Variants in GALNT17 observed in about 807,000 individuals in gnomAD.
GALNT17 encodes polypeptide N-acetylgalactosaminyltransferase 17.
Under a neutral mutation model 63.7 loss-of-function variants are expected in GALNT17, and 29 were observed. The ratio of observed to expected loss-of-function variants is 0.46; its 90% CI spans 0.34 to 0.62. The LOEUF (loss-of-function observed/expected upper bound fraction) is 0.62. Among genes scored for constraint, GALNT17 ranks in the 20% least tolerant of loss-of-function variants. GALNT17 has a pLI of 0.01. For missense variants in GALNT17, 603 were observed against 799.6 expected, an observed-to-expected ratio of 0.75 and a Z score of 2.97; for synonymous variants, 305 against 318.3, an observed-to-expected ratio of 0.96 and a Z score of 0.45.
intron 9 of GALNT17, among the ~76,000 whole-genome samples, chr7:71,678,403 G>A (rs1054089710): frequency 1.3e-5 from 2 of 151,814 alleles, no homozygotes; most frequent in African/African-American, 4.8e-5. Context: ...GGGATTACAG[G>A]TGTGAGCTTC....
At chr7:71,630,053 A>C (rs1790433075) in intron 6 of GALNT17, among the ~76,000 whole-genome samples, 5 of 151,990 alleles carry the variant, frequency 3.3e-5, no homozygotes, top group Admixed American at 3.3e-4. Flanking sequence ...CCTGCCAGAT[A>C]GACACAGGAC....
At chr7:71,432,479 A>G (rs1393416152) in intron 5 of GALNT17, among the ~76,000 whole-genome samples, 2 of 152,162 alleles carry the variant, frequency 1.3e-5, no homozygotes, top group Non-Finnish European at 2.9e-5. Flanking sequence ...TGGCATGCAA[A>G]GACACTCTTA....
At chr7:71,611,485 T>C (rs1790124951) in intron 6 of GALNT17, among the ~76,000 whole-genome samples, 1 of 152,170 alleles carries the variant, frequency 6.6e-6, no homozygotes, top group Non-Finnish European at 1.5e-5. Context: ...TTCTTCCCAA[T>C]AGCTTATACG....
intron 1 of GALNT17, among the ~76,000 whole-genome samples, chr7:71,198,768 A>G (rs568770911): frequency 3.3e-5 from 5 of 152,318 alleles, no homozygotes; most frequent in Non-Finnish European, 5.9e-5. Flanking sequence ...GAAGGTCTCT[A>G]TGTTTTCTTA....
chr7:71,698,434 C>G (rs1791577696), intron 9 of GALNT17, among the ~76,000 whole-genome samples: 1 of 151,944 alleles, frequency 6.6e-6, no homozygotes, highest in South Asian at 2.1e-4. Flanking sequence ...GGAGATATAA[C>G]CAAAATACTG....
chr7:71,620,926 A>G (rs1790280213), intron 6 of GALNT17, among the ~76,000 whole-genome samples: 1 of 152,192 alleles, frequency 6.6e-6, no homozygotes, highest in African/African-American at 2.4e-5. Flanking sequence ...AATTCAGATG[A>G]CACTGAAGAC....
chr7:71,218,062 C>T (rs1027050278), intron 1 of GALNT17, among the ~76,000 whole-genome samples: 1 of 152,104 alleles, frequency 6.6e-6, no homozygotes, highest in Non-Finnish European at 1.5e-5. Flanking sequence ...CATATTGGCA[C>T]ACGCAGAAAT....
chr7:71,583,851 G>A (rs1046149711), intron 6 of GALNT17, among the ~76,000 whole-genome samples: 20 of 152,050 alleles, frequency 1.3e-4, no homozygotes, highest in Non-Finnish European at 2.6e-4. Context: ...CTGGCTGGGC[G>A]CGGTGGCTCA....
chr7:71,247,131 C>G (rs536919745), intron 1 of GALNT17, among the ~76,000 whole-genome samples: 1 of 152,062 alleles, frequency 6.6e-6, no homozygotes, highest in Non-Finnish European at 1.5e-5. Flanking sequence ...TTCTCTAGTT[C>G]CTTGAAGTGT....
At chr7:71,237,023 A>G (rs559516268) in intron 1 of GALNT17, among the ~76,000 whole-genome samples, 2 of 152,266 alleles carry the variant, frequency 1.3e-5, no homozygotes, top group South Asian at 2.1e-4. Context: ...CACCCAGGGA[A>G]TCTCGTGGCT....
chr7:71,665,663 T>G (rs2117046833), intron 7 of GALNT17, 67 bp downstream of exon 7: 1 of 1,514,736 alleles, frequency 6.6e-7, no homozygotes, highest in East Asian at 2.4e-5. Flanking sequence ...CACTATTTAT[T>G]TAATAAACCA....
At chr7:71,629,825 T>C (rs1400078502) in intron 6 of GALNT17, among the ~76,000 whole-genome samples, 3 of 152,194 alleles carry the variant, frequency 2.0e-5, no homozygotes, top group Admixed American at 6.5e-5. Context: ...TCTTGCTGTA[T>C]TTCCCAGGCT....
intron 1 of GALNT17, among the ~76,000 whole-genome samples, chr7:71,210,333 C>T (rs893729326): frequency 2.0e-5 from 3 of 152,062 alleles, no homozygotes; most frequent in African/African-American, 4.8e-5. Flanking sequence ...GCAGCCAAAC[C>T]GGATCATTGC....
intron 2 of GALNT17, among the ~76,000 whole-genome samples, chr7:71,359,379 T>C (rs1792354744): frequency 6.6e-6 from 1 of 151,940 alleles, no homozygotes; most frequent in Non-Finnish European, 1.5e-5. Flanking sequence ...GGTGCCAGGC[T>C]CTTTTCAACA....
At chr7:71,160,771 A>G (rs1217335940) in intron 1 of GALNT17, among the ~76,000 whole-genome samples, 1 of 152,088 alleles carries the variant, frequency 6.6e-6, no homozygotes, top group East Asian at 1.9e-4. Flanking sequence ...GAACATCTTT[A>G]TATATCAGAC....
At chr7:71,314,074 A>G (rs191686108) in intron 1 of GALNT17, among the ~76,000 whole-genome samples, 19 of 152,310 alleles carry the variant, frequency 1.2e-4, no homozygotes, top group Admixed American at 3.9e-4. Flanking sequence ...CAAGGGATGG[A>G]GGCGAATGTT....
intron 1 of GALNT17, among the ~76,000 whole-genome samples, chr7:71,135,060 C>T (rs1162554503): frequency 6.6e-6 from 1 of 151,906 alleles, no homozygotes; most frequent in Admixed American, 6.6e-5. Flanking sequence ...CTAGGTTGTC[C>T]AGGCTGGTCT....
chr7:71,305,202 T>A (rs946868711), intron 1 of GALNT17, among the ~76,000 whole-genome samples: 1 of 144,182 alleles, frequency 6.9e-6, no homozygotes, highest in Non-Finnish European at 1.5e-5. Context: ...ATAATCCTAT[T>A]TGGAGCAAAA....
chr7:71,359,928 G>C (rs948442875), intron 2 of GALNT17, among the ~76,000 whole-genome samples: 1 of 152,154 alleles, frequency 6.6e-6, no homozygotes, highest in Admixed American at 6.5e-5. Flanking sequence ...AACCAGATGA[G>C]ATGTGGTCTC....
Sources: gnomAD v4.1 joint callset for allele counts (sites outside exome capture counted in the v4.1 genomes callset) on GRCh38, gnomAD v4.1.1 for gene constraint, MANE v1.5 for transcripts, NCBI Gene and HGNC (gene_info 2026-07-23, HGNC 2026-07-21) for gene names.